The following PHF14 variants were observed in gnomAD, a reference collection of about 807,000 sequenced individuals.
PHF14 encodes PHD finger protein 14.
PHF14 carries 55 observed loss-of-function variants against 117.9 expected under a neutral mutation model. That is an observed-to-expected ratio of 0.47 (90% CI 0.38 to 0.58). PHF14 has a LOEUF of 0.58. Ranked by LOEUF, PHF14 falls within the 20% of genes least tolerant of loss-of-function variation. The pLI is 0.00. For synonymous variants in PHF14, 409 were observed against 368.6 expected (o/e 1.11, Z -1.26); for missense variants, 978 against 1,122.2 (o/e 0.87, Z 1.84).
intron 13 of PHF14, among the ~76,000 whole-genome samples, chr7:11,044,178 G>T (rs1282016846): frequency 6.6e-6 from 1 of 152,064 alleles, no homozygotes; most frequent in Non-Finnish European, 1.5e-5. Context: ...AATGGGGAGG[G>T]AGGGGAGCAA....
intron 16 of PHF14, among the ~76,000 whole-genome samples, chr7:11,069,122 A>G (rs1329523137): frequency 6.6e-6 from 1 of 152,102 alleles, no homozygotes; most frequent in Non-Finnish European, 1.5e-5. Flanking sequence ...GCCAGTCAGG[A>G]AAGGTTGCTG....
intron 4 of PHF14, among the ~76,000 whole-genome samples, chr7:11,002,260 G>C (rs979594137): frequency 5.3e-5 from 8 of 152,002 alleles, no homozygotes; most frequent in African/African-American, 1.9e-4. Context: ...TTAGAAGAAA[G>C]TAAAAATGGG....
chr7:11,126,039 G>C (rs1458615890), intron 17 of PHF14, among the ~76,000 whole-genome samples: 1 of 152,038 alleles, frequency 6.6e-6, no homozygotes, highest in East Asian at 1.9e-4. Context: ...TTGAGGGCTG[G>C]ACCATTCTCT....
chr7:11,009,793 T>C (rs1263812921), intron 4 of PHF14, among the ~76,000 whole-genome samples: 1 of 152,196 alleles, frequency 6.6e-6, no homozygotes, highest in African/African-American at 2.4e-5. Context: ...AAAAAATACA[T>C]ACAGACTTGC....
chr7:10,981,370 A>G (rs1031557938), intron 2 of PHF14, among the ~76,000 whole-genome samples: 2 of 151,936 alleles, frequency 1.3e-5, no homozygotes, highest in Non-Finnish European at 2.9e-5. Flanking sequence ...CCCTCCTCCC[A>G]TTTATTTCTC....
chr7:11,079,694 T>G (rs887772585), intron 16 of PHF14, among the ~76,000 whole-genome samples: 1 of 152,132 alleles, frequency 6.6e-6, no homozygotes, highest in Non-Finnish European at 1.5e-5. Flanking sequence ...CAAAATAAAT[T>G]AATTAAATAT....
rs1462821536 is a variant in PHF14, at chr7:11,100,294, G to A, written c.2655-11056G>A. ...TTCCCCAGCAAAATGTTATTTTTAAGTCATTTTGGCCTGGGAATTATAGTA... is the reference window on the plus strand; with the variant it reads ...TTCCCCAGCAAAATGTTATTTTTAAATCATTTTGGCCTGGGAATTATAGTA... On this transcript the variant is annotated intron_variant, in intron 16 of 17. Transcript: ENST00000634607. 2.6e-5 allele frequency among the ~76,000 whole-genome samples: 4 copies of A among 152,018 alleles called. No individual in the cohort carries two copies. The East Asian group carries it at 5.8e-4, about 22-fold the overall frequency.
chr7:10,989,006 C>G (rs1249836607), intron 3 of PHF14, among the ~76,000 whole-genome samples: 1 of 152,072 alleles, frequency 6.6e-6, no homozygotes, highest in South Asian at 2.1e-4. Flanking sequence ...TACTGTAAAA[C>G]CAGATGAGTT....
At chr7:10,995,455 A>G (rs1782604681) in intron 4 of PHF14, among the ~76,000 whole-genome samples, 1 of 152,212 alleles carries the variant, frequency 6.6e-6, no homozygotes. Context: ...AGGTTCTCCA[A>G]GTCCCCACTA....
intron 16 of PHF14, among the ~76,000 whole-genome samples, chr7:11,076,648 A>G (rs1265328617): frequency 2.0e-5 from 3 of 149,388 alleles, no homozygotes; most frequent in Non-Finnish European, 1.5e-5. Context: ...GCTCACTGCA[A>G]CCTCTACCTC....
Position 11,065,826 on chromosome 7 carries a change from CT to C in PHF14, c.2654+3743del, listed in dbSNP as rs533811816. On this transcript the variant is annotated intron_variant, in intron 16 of 17. Coordinates refer to ENST00000634607, the MANE Select transcript of PHF14 (RefSeq NM_001007157.2). The stretch of plus-strand genomic sequence containing the variant: ...TAGACTCAATGTGGCACATTTATTA[CT>C]TAATCAGAGATAGGAGAGAGAGAAG... Among the ~76,000 whole-genome samples, 442 of 152,242 alleles carry C rather than the reference CT, an allele frequency of 2.9e-3. 1 individual carries two copies. The highest frequency in any genetic ancestry group is 0.01 in the African/African-American group (424 of 41,536).
At chr7:10,988,541 T>TTTG (rs1056964800) in intron 3 of PHF14, among the ~76,000 whole-genome samples, 2 of 150,804 alleles carry the variant, frequency 1.3e-5, no homozygotes, top group Non-Finnish European at 3.0e-5. Context: ...TCTGTTTTTT[T>TTTG]TTTTTTTTTT....
intron 5 of PHF14, among the ~76,000 whole-genome samples, chr7:11,021,564 A>C (rs1218803141): frequency 6.6e-6 from 1 of 152,214 alleles, no homozygotes; most frequent in African/African-American, 2.4e-5. Context: ...TAAGAAGGTC[A>C]GTATGAAGCA....
rs566514238 is a variant in PHF14 at position 11,148,840 on chromosome 7, G to C, written c.2773-20576G>C. ...GCGCTTTCACCAACTGTGCATCTGA[G>C]CTCAACTTTGAACCACAATTTTTGG... On this transcript the variant is annotated intron_variant, in intron 17 of 17. Transcript: ENST00000634607. Among the ~76,000 whole-genome samples the C allele has an allele frequency of 1.9e-4, 29 of 152,252 alleles. 2 individuals are homozygous for C. In the South Asian group the frequency reaches 6.0e-3, roughly 32 times the overall value.
intron 16 of PHF14, among the ~76,000 whole-genome samples, chr7:11,094,717 C>T (rs1157795819): frequency 6.6e-6 from 1 of 152,120 alleles, no homozygotes. Context: ...CAACATTTCA[C>T]CTTTAGCAAA....
chr7:11,062,607 T>G, intron 16 of PHF14: 4 of 772,092 alleles, frequency 5.2e-6, no homozygotes, highest in Non-Finnish European at 6.3e-6. Flanking sequence ...CCTAGGTTGA[T>G]TTTATTTTTT....
intron 14 of PHF14, among the ~76,000 whole-genome samples, chr7:11,059,393 C>G (rs923074047): frequency 3.9e-5 from 6 of 152,170 alleles, no homozygotes; most frequent in Admixed American, 6.5e-5. Context: ...AAGTCTTTTG[C>G]ACATTCTGTT....
At chr7:11,077,599 T>TAAAA (rs10658162) in intron 16 of PHF14, among the ~76,000 whole-genome samples, 5,106 of 104,902 alleles carry the variant, frequency 0.049, 345 homozygotes, top group African/African-American at 0.15. Context: ...GACTCTGTCT[T>TAAAA]AAAAAAAAAA....
At chr7:11,056,839 A>G (rs1785038462) in intron 14 of PHF14, among the ~76,000 whole-genome samples, 1 of 149,528 alleles carries the variant, frequency 6.7e-6, no homozygotes. Flanking sequence ...ATATATTAGA[A>G]TAAATTTTAT....
Sources: allele counts gnomAD v4.1 joint callset (sites outside exome capture counted in the v4.1 genomes callset), GRCh38; gene constraint gnomAD v4.1.1; transcripts MANE v1.5; gene names NCBI Gene and HGNC (gene_info 2026-07-23, HGNC 2026-07-21).